Variants in CNST observed in about 807,000 individuals in gnomAD.
CNST encodes consortin.
CNST carries 39 observed loss-of-function variants against 72.4 expected under a neutral mutation model. The ratio of observed to expected loss-of-function variants is 0.54; its 90% CI spans 0.42 to 0.70. CNST has a LOEUF of 0.70. CNST is among the 30% of genes least tolerant of loss of function. The pLI, the probability that CNST is intolerant of heterozygous loss-of-function variation, is 0.00. For missense variants in CNST, 871 were observed against 868.5 expected, an observed-to-expected ratio of 1.00 and a Z score of -0.04; for synonymous variants, 332 against 320.1, an observed-to-expected ratio of 1.04 and a Z score of -0.40.
chr1:246,597,402 G>A (rs556069990), intron 2 of CNST, among the ~76,000 whole-genome samples: 3 of 152,212 alleles, frequency 2.0e-5, no homozygotes, highest in South Asian at 2.1e-4. Context: ...TTCCCCAAGC[G>A]GTGGCTACCA....
At chr1:246,613,581 T>C (rs1474518228) in intron 2 of CNST, among the ~76,000 whole-genome samples, 1 of 150,080 alleles carries the variant, frequency 6.7e-6, no homozygotes, top group East Asian at 1.9e-4. Flanking sequence ...AATGATAGGG[T>C]ACTTGTACTC....
chr1:246,659,344 C>T (rs929300025), intron 9 of CNST, among the ~76,000 whole-genome samples: 2 of 152,186 alleles, frequency 1.3e-5, no homozygotes, highest in Admixed American at 1.3e-4. Flanking sequence ...CCTGTAATCC[C>T]AGCACTTTGG....
chr1:246,662,279 G>A (rs1479252834), intron 10 of CNST, among the ~76,000 whole-genome samples: 1 of 152,174 alleles, frequency 6.6e-6, no homozygotes, highest in Middle Eastern at 3.2e-3. Flanking sequence ...TCTTCCTTCT[G>A]TAAGCCAATG....
chr1:246,575,267 A>T (rs574089846), intron 1 of CNST, among the ~76,000 whole-genome samples: 1 of 152,164 alleles, frequency 6.6e-6, no homozygotes, highest in Non-Finnish European at 1.5e-5. Flanking sequence ...ACGTGCACAA[A>T]TGTTTATAAC....
chr1:246,612,837 A>T (rs1663423778), intron 2 of CNST, among the ~76,000 whole-genome samples: 1 of 152,144 alleles, frequency 6.6e-6, no homozygotes, highest in Non-Finnish European at 1.5e-5. Context: ...GTGAGCCATG[A>T]TTGTACCACT....
chr1:246,633,152 C>G (rs1428441058), intron 4 of CNST, among the ~76,000 whole-genome samples: 2 of 152,146 alleles, frequency 1.3e-5, no homozygotes, highest in African/African-American at 4.8e-5. Flanking sequence ...TACTTCAAAA[C>G]CAAGAAACAT....
chr1:246,639,197 G>A lies in CNST; in HGVS notation c.819-2552G>A, dbSNP rs74842080. ...CAACTCCACGCCGTTCGTCGGGATA[G>A]AGAGAAAGGTTTGGTGAGGTCTGGG... On this transcript the variant is annotated intron_variant, in intron 6 of 10. Coordinates refer to ENST00000366513, the MANE Select transcript of CNST (RefSeq NM_152609.3). Among the ~76,000 whole-genome samples, 857 of 152,162 alleles carry A rather than the reference G, an allele frequency of 5.6e-3. 9 individuals carry two copies. Among genetic ancestry groups the A allele is most frequent in the African/African-American group, 0.02 (818 of 41,504 alleles).
At chr1:246,649,543 A>G (rs1666335164) in intron 9 of CNST, among the ~76,000 whole-genome samples, 1 of 152,148 alleles carries the variant, frequency 6.6e-6, no homozygotes, top group South Asian at 2.1e-4. Flanking sequence ...GTCCTTTCTC[A>G]TGCCAACAAT....
At chr1:246,644,411 AT>A (rs1214790583) in intron 8 of CNST, among the ~76,000 whole-genome samples, 3 of 143,328 alleles carry the variant, frequency 2.1e-5, no homozygotes, top group East Asian at 2.2e-4. Flanking sequence ...AAAAAAAAAA[AT>A]TGTCTCATTT....
In CNST at chr1:246,665,848, T is replaced by TTAC. The variant is rs1347817771; in HGVS notation, c.2122_2124dup (p.Tyr708dup). 1 of 1,614,054 alleles carries TTAC rather than the reference T, an allele frequency of 6.2e-7. No homozygotes were observed. Among genetic ancestry groups the TTAC allele is most frequent in the Non-Finnish European group, 8.5e-7 (1 of 1,179,970 alleles). On this transcript the variant is annotated inframe_insertion, in exon 11 of 11. Coordinates refer to ENST00000366513, the MANE Select transcript of CNST (RefSeq NM_152609.3). ...ACTTTGCAGACAACATGGACTTCTA[T>TTAC]TACACTAAGTTACTTCAGGGAGTGG...
intron 2 of CNST, among the ~76,000 whole-genome samples, chr1:246,599,894 TA>T (rs1177345187): frequency 6.6e-6 from 1 of 152,232 alleles, no homozygotes; most frequent in Admixed American, 6.5e-5. Context: ...CTGGGCACTA[TA>T]AAACTGCTGG....
intron 2 of CNST, chr1:246,606,012 T>C (rs1206626067): frequency 3.3e-5 from 5 of 152,154 alleles, no homozygotes; most frequent in Admixed American, 6.5e-5. Context: ...TATTTGGTTA[T>C]AGAAAAAGGG....
At chr1:246,605,414 G>A (rs1415117617) in intron 2 of CNST, among the ~76,000 whole-genome samples, 3 of 152,218 alleles carry the variant, frequency 2.0e-5, no homozygotes, top group Admixed American at 6.5e-5. Flanking sequence ...ACGCCTGCAA[G>A]GCTCTAATAT....
At chr1:246,578,701 T>C (rs928472954) in intron 1 of CNST, among the ~76,000 whole-genome samples, 1 of 152,074 alleles carries the variant, frequency 6.6e-6, no homozygotes, top group Non-Finnish European at 1.5e-5. Context: ...CAAATTATAA[T>C]TGGCCTCTTC....
intron 9 of CNST, among the ~76,000 whole-genome samples, chr1:246,654,222 C>T (rs771958217): frequency 9.9e-5 from 15 of 152,206 alleles, no homozygotes; most frequent in Non-Finnish European, 1.8e-4. Flanking sequence ...GGCCCCCTCG[C>T]CACCTCCCAG....
chr1:246,649,135 G>A (rs1666301050), intron 9 of CNST, among the ~76,000 whole-genome samples: 2 of 145,086 alleles, frequency 1.4e-5, no homozygotes, highest in Admixed American at 1.4e-4. Context: ...GCCATTTGCA[G>A]TTAATTCTCT....
intron 2 of CNST, among the ~76,000 whole-genome samples, chr1:246,614,921 G>C (rs1293968735): frequency 6.6e-6 from 1 of 152,120 alleles, no homozygotes; most frequent in Non-Finnish European, 1.5e-5. Flanking sequence ...GTGAATATCT[G>C]CCGATCAATG....
At chr1:246,613,088 T>C (rs939724592) in intron 2 of CNST, among the ~76,000 whole-genome samples, 2 of 152,212 alleles carry the variant, frequency 1.3e-5, no homozygotes, top group Non-Finnish European at 2.9e-5. Context: ...CTCCAATTTA[T>C]AGATGTGGGA....
At chr1:246,592,567 C>A (rs1381391639) in intron 2 of CNST, among the ~76,000 whole-genome samples, 1 of 152,164 alleles carries the variant, frequency 6.6e-6, no homozygotes, top group African/African-American at 2.4e-5. Context: ...TATATGCAGC[C>A]TCCTCTCCCT....
Sources: allele counts gnomAD v4.1 joint callset (sites outside exome capture counted in the v4.1 genomes callset), GRCh38; gene constraint gnomAD v4.1.1; transcripts MANE v1.5; gene names NCBI Gene and HGNC (gene_info 2026-07-23, HGNC 2026-07-21).